The following PCDHA2 variants were observed in gnomAD, a reference collection of about 807,000 sequenced individuals.
The protein encoded by PCDHA2 is protocadherin alpha 2.
PCDHA2 carries 58 observed loss-of-function variants against 66.0 expected under a neutral mutation model. The ratio of observed to expected loss-of-function variants is 0.88; its 90% CI spans 0.71 to 1.09. PCDHA2 has a LOEUF of 1.09. PCDHA2 is among the 50% of genes least tolerant of loss of function. The probability of loss-of-function intolerance (pLI) is 0.00; values close to 1 mark genes in which losing one functional copy is unlikely to be tolerated. For synonymous variants in PCDHA2, 634 were observed against 554.0 expected, an observed-to-expected ratio of 1.14 and a Z score of -2.03; for missense variants, 1,267 against 1,242.3, an observed-to-expected ratio of 1.02 and a Z score of -0.30.
At chr5:140,876,928 A>C in intron 1 of PCDHA2, 1 of 1,613,812 alleles carries the variant, frequency 6.2e-7, no homozygotes, top group Non-Finnish European at 8.5e-7. Flanking sequence ...GGACGCGCAG[A>C]AGAACGCGCT....
chr5:140,819,545 A>G (rs1002089738), intron 1 of PCDHA2, among the ~76,000 whole-genome samples: 12 of 152,144 alleles, frequency 7.9e-5, no homozygotes, highest in Non-Finnish European at 1.8e-4. Context: ...AATCTGTAAC[A>G]TTTGATTGAA....
At chr5:140,839,449 G>A (rs1251929255) in intron 1 of PCDHA2, among the ~76,000 whole-genome samples, 1 of 151,836 alleles carries the variant, frequency 6.6e-6, no homozygotes, top group African/African-American at 2.4e-5. Context: ...CAGTGCAGTG[G>A]CACAATCTGG....
intron 1 of PCDHA2, chr5:140,863,174 C>T (rs781864500): frequency 1.4e-6 from 1 of 714,706 alleles, no homozygotes; most frequent in East Asian, 4.3e-5. Context: ...GCGCTGACTG[C>T]CACCGTCACC....
intron 1 of PCDHA2, chr5:140,867,745 A>G (rs1342140044): frequency 6.6e-6 from 1 of 152,108 alleles, no homozygotes. Flanking sequence ...CAAGCAAGTT[A>G]CAACTTCAGG....
At chr5:140,877,947 G>A (rs1266600808) in intron 1 of PCDHA2, 2 of 1,351,230 alleles carry the variant, frequency 1.5e-6, no homozygotes, top group African/African-American at 1.5e-5. Context: ...TTAAACTATC[G>A]AATGTCTCAT....
At chr5:140,837,472 C>T (rs1775069737) in intron 1 of PCDHA2, among the ~76,000 whole-genome samples, 1 of 151,298 alleles carries the variant, frequency 6.6e-6, no homozygotes, top group South Asian at 2.1e-4. Flanking sequence ...CTCCTCAAAC[C>T]CCAAACCATT....
chr5:140,847,399 C>T lies in PCDHA2; in HGVS notation c.2388+50047C>T, dbSNP rs114287755. On this transcript the variant is annotated intron_variant, in intron 1 of 3. Coordinates refer to ENST00000526136, the MANE Select transcript of PCDHA2 (RefSeq NM_018905.3). Reference sequence around the variant, plus strand: ...TAAATATGCAAAAACATTAATGGCACAATAAACACTCACGGTTTTGCCTTT... The same window carrying T: ...TAAATATGCAAAAACATTAATGGCATAATAAACACTCACGGTTTTGCCTTT... 2.4e-3 allele frequency: 361 copies of T among 149,562 alleles called. 12 individuals are homozygous for T. Among genetic ancestry groups the T allele is most frequent in the African/African-American group, 8.0e-3 (327 of 40,902 alleles). 9.3% of individuals were successfully genotyped at this position (149,562 alleles called of 1,614,324 possible).
intron 3 of PCDHA2, among the ~76,000 whole-genome samples, chr5:141,004,826 G>A (rs2098183640): frequency 6.6e-6 from 1 of 152,112 alleles, no homozygotes; most frequent in East Asian, 1.9e-4. Flanking sequence ...GATTAACTTA[G>A]ATAGATCAAA....
At chr5:140,884,907 C>T (rs1263861482) in intron 1 of PCDHA2, among the ~76,000 whole-genome samples, 2 of 152,148 alleles carry the variant, frequency 1.3e-5, no homozygotes, top group Non-Finnish European at 2.9e-5. Flanking sequence ...CTGTTGTATT[C>T]TTAATAGTTC....
At chr5:140,911,275 G>A (rs1048648150) in intron 1 of PCDHA2, among the ~76,000 whole-genome samples, 1 of 152,164 alleles carries the variant, frequency 6.6e-6, no homozygotes, top group Non-Finnish European at 1.5e-5. Context: ...AGTGTCCCCA[G>A]CTTCATCAGG....
chr5:140,850,259 C>G lies in PCDHA2; in HGVS notation c.2388+52907C>G, dbSNP rs2150476080. The stretch of plus-strand genomic sequence containing the variant: ...TGGTGCTGCGGTCGGTGGGCGCCGG[C>G]GTAGTGGTGGGGAAGGTGCGCGCAG... On this transcript the variant is annotated intron_variant, in intron 1 of 3. Transcript: ENST00000526136. 10 of 1,593,780 alleles carry G rather than the reference C, an allele frequency of 6.3e-6. 1 individual carries two copies. Among genetic ancestry groups the G allele is most frequent in the African/African-American group, 2.7e-5 (2 of 74,102 alleles).
intron 1 of PCDHA2, among the ~76,000 whole-genome samples, chr5:140,872,927 T>A (rs1020178513): frequency 3.9e-5 from 6 of 152,216 alleles, no homozygotes; most frequent in African/African-American, 1.4e-4. Flanking sequence ...TTATCTCTAA[T>A]GTTTTTGAAA....
Position 141,011,060 on chromosome 5 carries a change from A to G in PCDHA2, c.*1123A>G, listed in dbSNP as rs1588257572. On this transcript the variant is annotated 3_prime_UTR_variant, in exon 4 of 4. Coordinates refer to ENST00000526136, the MANE Select transcript of PCDHA2 (RefSeq NM_018905.3). ...AGGTCACTCTGGGGCTGCCTCTTGC[A>G]TGTATTACTAAATAAAATGATCTCT... is the stretch of plus-strand genomic sequence containing the variant. 1.3e-5 allele frequency: 2 copies of G among 153,758 alleles called. No individual in the cohort carries two copies. Among genetic ancestry groups the G allele is most frequent in the Non-Finnish European group, 2.9e-5 (2 of 68,046 alleles). The allele number at this position is 153,758 out of a possible 1,614,324, so 9.5% of individuals were successfully genotyped here. A position where few individuals can be genotyped will look rare whatever the true frequency, so the allele number is the denominator to read the frequency against.
At chr5:140,807,007 C>CA in intron 1 of PCDHA2, 2 of 765,926 alleles carry the variant, frequency 2.6e-6, no homozygotes, top group East Asian at 2.6e-5. Flanking sequence ...CTCTTTACCA[C>CA]AAAATACATG....
chr5:140,877,303 T>G, intron 1 of PCDHA2: 1 of 1,613,850 alleles, frequency 6.2e-7, no homozygotes, highest in South Asian at 1.1e-5. Flanking sequence ...GTCCTACGAG[T>G]TGCAACCGGC....
At chr5:140,969,968 G>A (rs935403265) in intron 1 of PCDHA2, among the ~76,000 whole-genome samples, 2 of 152,200 alleles carry the variant, frequency 1.3e-5, no homozygotes, top group Non-Finnish European at 2.9e-5. Flanking sequence ...GCTGTATGAT[G>A]TGGCAACTCT....
chr5:140,823,991 T>G (rs2150131216), intron 1 of PCDHA2: 2 of 1,613,888 alleles, frequency 1.2e-6, no homozygotes, highest in Admixed American at 3.3e-5. Flanking sequence ...CCCACTCTGT[T>G]GTGCTCCAGC....
chr5:140,884,060 G>C (rs781956914), intron 1 of PCDHA2: 4 of 1,613,548 alleles, frequency 2.5e-6, no homozygotes, highest in Non-Finnish European at 3.4e-6. Context: ...GCGCGCGGTG[G>C]ACGCCGATTC....
At chr5:140,883,316 G>A in intron 1 of PCDHA2, 1 of 1,614,078 alleles carries the variant, frequency 6.2e-7, no homozygotes, top group East Asian at 2.2e-5. Context: ...CGCCCCAGAG[G>A]TTACCATCAC....
Sources: allele counts gnomAD v4.1 joint callset (sites outside exome capture counted in the v4.1 genomes callset), GRCh38; gene constraint gnomAD v4.1.1; transcripts MANE v1.5; gene names NCBI Gene and HGNC (gene_info 2026-07-23, HGNC 2026-07-21).